Variants in KMT2C observed in about 807,000 individuals in gnomAD.
KMT2C encodes the protein lysine methyltransferase 2C.
A neutral mutation model predicts 507.9 loss-of-function variants in KMT2C; 88 were observed. That is an observed-to-expected ratio of 0.17 (90% CI 0.15 to 0.21). The LOEUF (loss-of-function observed/expected upper bound fraction) is 0.21, where lower values mean the gene tolerates loss of function less well. KMT2C is among the 10% of genes least tolerant of loss of function. The pLI is 1.00. For missense variants in KMT2C, 4,954 were observed against 5,957.8 expected, an observed-to-expected ratio of 0.83 and a Z score of 5.55; for synonymous variants, 2,049 against 2,080.8, an observed-to-expected ratio of 0.98 and a Z score of 0.42.
At chr7:152,312,721 G>C (rs2129201125) in intron 4 of KMT2C, among the ~76,000 whole-genome samples, 1 of 152,148 alleles carries the variant, frequency 6.6e-6, no homozygotes, top group East Asian at 1.9e-4. Context: ...TAACACTTTA[G>C]GTATTATTTA....
intron 55 of KMT2C, among the ~76,000 whole-genome samples, chr7:152,141,214 T>G (rs2090494261): frequency 6.6e-6 from 1 of 152,086 alleles, no homozygotes; most frequent in Admixed American, 6.6e-5. Flanking sequence ...CACTCCAGCC[T>G]GGGCAACAGA....
chr7:152,162,522 G>A lies in KMT2C; in HGVS notation c.11055C>T (p.Pro3685=). ...QLCTELENKL[P]NSDFSQATPN... ...GAGTTGCTTGTGAGAAATCACTATT[G>A]GGCAGTTTGTTCTCTAATTCTGTAC... The change falls in exon 43 of 59, where the codon CCC becomes CCT. Residue 3685 remains proline, a synonymous_variant. Coordinates refer to ENST00000262189, the MANE Select transcript of KMT2C (RefSeq NM_170606.3). The A allele has an allele frequency of 1.2e-6, 2 of 1,614,154 alleles. No homozygotes were observed. The highest frequency in any genetic ancestry group is 1.7e-6 in the Non-Finnish European group (2 of 1,180,030).
intron 19 of KMT2C, 37 bp downstream of exon 19, chr7:152,224,398 C>T (rs2094868361): frequency 6.3e-7 from 1 of 1,589,468 alleles, no homozygotes; most frequent in African/African-American, 1.3e-5. Flanking sequence ...AAGCTCTGAA[C>T]TTGAAAGACT....
intron 55 of KMT2C, among the ~76,000 whole-genome samples, chr7:152,140,814 T>C (rs1260538577): frequency 6.6e-6 from 1 of 152,344 alleles, no homozygotes; most frequent in South Asian, 2.1e-4. Context: ...ATTTATCCTC[T>C]GAACAAGCAT....
chr7:152,189,513 TAAAA>T (rs953449355), intron 31 of KMT2C, among the ~76,000 whole-genome samples: 2 of 151,306 alleles, frequency 1.3e-5, no homozygotes, highest in Non-Finnish European at 3.0e-5. Flanking sequence ...TCCATTAGAT[TAAAA>T]AAAAAGTCTC....
At chr7:152,423,317 A>G (rs774142191) in intron 1 of KMT2C, among the ~76,000 whole-genome samples, 7 of 152,130 alleles carry the variant, frequency 4.6e-5, no homozygotes, top group African/African-American at 7.2e-5. Flanking sequence ...TCCAGCCTGC[A>G]TGACAGAGCG....
rs2094736166 is a variant in KMT2C, at chr7:152,220,649, T to C, written c.3586A>G (p.Arg1196Gly). 1 of 1,611,888 alleles carries C rather than the reference T, an allele frequency of 6.2e-7. No individual in the cohort carries two copies. The highest frequency in any genetic ancestry group is 8.5e-7 in the Non-Finnish European group (1 of 1,179,744). ...QLQSLTVTVPRRKRSKPKLKL... is the reference protein window; with the variant it reads ...QLQSLTVTVPGRKRSKPKLKL... The stretch of plus-strand genomic sequence containing the variant: ...AATTTTGGTTTTGACCGTTTTCTTC[T>C]TGGAACTGTAACTGTGAGGCTCTGT... Residue 1196 changes from arginine (R) to glycine (G), a missense_variant, in exon 23 of 59, where the codon AGA becomes GGA. Arg to Gly is a moderately radical substitution (Grantham distance 125). Coordinates refer to ENST00000262189, the MANE Select transcript of KMT2C (RefSeq NM_170606.3).
chr7:152,378,372 G>C (rs2097345149), intron 1 of KMT2C, among the ~76,000 whole-genome samples: 1 of 152,256 alleles, frequency 6.6e-6, no homozygotes, highest in South Asian at 2.1e-4. Flanking sequence ...TCAGTCAGCA[G>C]CCACCAACAT....
chr7:152,333,428 A>C (rs1458244838), intron 2 of KMT2C, among the ~76,000 whole-genome samples: 2 of 152,188 alleles, frequency 1.3e-5, no homozygotes, highest in Admixed American at 6.5e-5. Context: ...CTCCCAGCCT[A>C]TAAGCTCCTC....
intron 1 of KMT2C, among the ~76,000 whole-genome samples, chr7:152,428,693 A>G (rs2097843737): frequency 6.6e-6 from 1 of 152,046 alleles, no homozygotes; most frequent in South Asian, 2.1e-4. Context: ...ATCTAGAAAC[A>G]GCATCTCAAA....
At chr7:152,340,153 T>TC (rs930528394) in intron 2 of KMT2C, among the ~76,000 whole-genome samples, 1 of 151,214 alleles carries the variant, frequency 6.6e-6, no homozygotes, top group African/African-American at 2.4e-5. Flanking sequence ...CCTGGATTTT[T>TC]TTTTTTTTTT....
At chr7:152,329,335 C>G (rs1330797487) in intron 3 of KMT2C, among the ~76,000 whole-genome samples, 1 of 151,996 alleles carries the variant, frequency 6.6e-6, no homozygotes, top group East Asian at 1.9e-4. Context: ...GAGGCTGAGA[C>G]AGGAGGATTG....
At chr7:152,367,379 C>T (rs900682159) in intron 1 of KMT2C, 14 of 701,244 alleles carry the variant, frequency 2.0e-5, no homozygotes, top group African/African-American at 3.5e-5. Flanking sequence ...GGGGCACCCC[C>T]GGCTGGCACC....
intron 50 of KMT2C, 80 bp from the exon 51 acceptor site, chr7:152,151,087 T>G: frequency 1.2e-6 from 1 of 841,968 alleles, no homozygotes; most frequent in Non-Finnish European, 1.9e-6. Context: ...TATTTTTATG[T>G]TATATTCAAA....
chr7:152,147,707 C>CAAAAAAAAAAAAAAAAAAAAAAAAAAAAA (rs762588729), intron 52 of KMT2C, among the ~76,000 whole-genome samples: 1 of 46,736 alleles, frequency 2.1e-5, no homozygotes, highest in African/African-American at 7.9e-5. Flanking sequence ...AACTCCGTCT[C>CAAAAAAAAAAAAAAAAAAAAAAAAAAAAA]AAAAAAAAAA....
intron 2 of KMT2C, among the ~76,000 whole-genome samples, chr7:152,334,467 A>G (rs1349696917): frequency 6.6e-6 from 1 of 152,218 alleles, no homozygotes; most frequent in East Asian, 1.9e-4. Flanking sequence ...AAAGAAAGAA[A>G]GAAAGTAGAC....
intron 16 of KMT2C, among the ~76,000 whole-genome samples, 176 bp downstream of exon 16, chr7:152,235,641 G>A (rs1186677756): frequency 1.1e-4 from 17 of 151,374 alleles, no homozygotes; most frequent in Admixed American, 2.0e-4. Flanking sequence ...GAAAGGATGA[G>A]AAAGTAAATA....
At chr7:152,139,373 C>T in intron 56 of KMT2C, 114 bp from the exon 57 acceptor site, 1 of 892,752 alleles carries the variant, frequency 1.1e-6, no homozygotes, top group Non-Finnish European at 1.8e-6. Context: ...GCCTGATCAT[C>T]CTTACTGTGG....
intron 1 of KMT2C, among the ~76,000 whole-genome samples, chr7:152,400,319 A>G (rs2097564866): frequency 6.6e-6 from 1 of 152,212 alleles, no homozygotes; most frequent in African/African-American, 2.4e-5. Flanking sequence ...AAAAAAATAA[A>G]AAAAAGAAAG....
Sources: gnomAD v4.1 joint callset for allele counts (sites outside exome capture counted in the v4.1 genomes callset) on GRCh38, gnomAD v4.1.1 for gene constraint, MANE v1.5 for transcripts, NCBI Gene and HGNC (gene_info 2026-07-23, HGNC 2026-07-21) for gene names.